The following FRMD6 variants were observed in gnomAD, a reference collection of about 807,000 sequenced individuals.
FRMD6 encodes FERM domain containing 6, also known as FERM domain-containing protein 6.
A neutral mutation model predicts 73.2 loss-of-function variants in FRMD6; 37 were observed. The ratio of observed to expected loss-of-function variants is 0.51; its 90% CI spans 0.39 to 0.66. FRMD6 has a LOEUF of 0.66. FRMD6 is among the 30% of genes least tolerant of loss of function. The pLI, the probability that FRMD6 is intolerant of heterozygous loss-of-function variation, is 0.00. For synonymous variants in FRMD6, 273 were observed against 282.2 expected (o/e 0.97, Z 0.33); for missense variants, 714 against 780.5 (o/e 0.91, Z 1.02).
intron 1 of FRMD6, among the ~76,000 whole-genome samples, chr14:51,567,509 G>T (rs1284491489): frequency 6.6e-6 from 1 of 152,144 alleles, no homozygotes; most frequent in Non-Finnish European, 1.5e-5. Context: ...AACATGCCTG[G>T]CTAATCGTTT....
At chr14:51,427,855 C>T in the FRMD6 span, among the ~76,000 whole-genome samples, 1 of 152,220 alleles carries the variant, frequency 6.6e-6, no homozygotes, top group Non-Finnish European at 1.5e-5. Context: ...ACCCACTATA[C>T]ATCAAAGATT....
chr14:51,543,102 TTTA>T (rs1886287614), intron 1 of FRMD6, among the ~76,000 whole-genome samples: 1 of 152,046 alleles, frequency 6.6e-6, no homozygotes, highest in Admixed American at 6.6e-5. Context: ...CAAAGTCTAA[TTTA>T]TCTGTTTTTT....
chr14:51,516,834 G>A (rs566123173), intron 1 of FRMD6, among the ~76,000 whole-genome samples: 2 of 152,302 alleles, frequency 1.3e-5, no homozygotes, highest in South Asian at 2.1e-4. Flanking sequence ...GAGTCCCTGG[G>A]CAAAGGAAGA....
intron 2 of FRMD6, among the ~76,000 whole-genome samples, chr14:51,645,289 C>T (rs559464472): frequency 5.3e-5 from 8 of 152,284 alleles, no homozygotes; most frequent in African/African-American, 1.7e-4. Context: ...TTCATCCAAC[C>T]AGTTAGTATA....
intron 13 of FRMD6, among the ~76,000 whole-genome samples, chr14:51,726,803 A>T (rs1358645761): frequency 6.6e-6 from 1 of 152,170 alleles, no homozygotes; most frequent in Non-Finnish European, 1.5e-5. Flanking sequence ...GCATCAGCAC[A>T]AGGGATCACT....
intron 2 of FRMD6, among the ~76,000 whole-genome samples, chr14:51,614,630 T>C (rs1890639915): frequency 2.0e-5 from 3 of 152,228 alleles, no homozygotes; most frequent in Admixed American, 1.3e-4. Context: ...CCTGAGGCAC[T>C]ACCATCTTCA....
intron 2 of FRMD6, among the ~76,000 whole-genome samples, chr14:51,638,476 C>T (rs1891670741): frequency 6.6e-6 from 1 of 152,116 alleles, no homozygotes; most frequent in Admixed American, 6.5e-5. Context: ...GGCTACTGCT[C>T]CGGGAGCCAC....
At position 51,533,958 on chromosome 14, in the gene FRMD6, G is replaced by A. The variant is rs1885741886; in HGVS notation, c.-209-36390G>A. 2.6e-5 allele frequency among the ~76,000 whole-genome samples: 4 copies of A among 152,362 alleles called. No homozygotes were observed. In the South Asian group the frequency reaches 6.2e-4, roughly 24 times the overall value. ...TCAATTATAGTAAGACCAATAGGAA[G>A]AAAGTCTTTTGGGGAACAGCAGAAT... is the stretch of plus-strand genomic sequence containing the variant. On this transcript the variant is annotated intron_variant, in intron 1 of 14. Coordinates refer to the FRMD6 transcript ENST00000356218.
intron 1 of FRMD6, among the ~76,000 whole-genome samples, chr14:51,652,566 A>T (rs1892499914): frequency 6.6e-6 from 1 of 152,198 alleles, no homozygotes; most frequent in African/African-American, 2.4e-5. Context: ...CGGCTGCGGG[A>T]AGGGACCCGA....
intron 2 of FRMD6, among the ~76,000 whole-genome samples, chr14:51,600,951 C>T (rs1029701764): frequency 2.6e-5 from 4 of 152,170 alleles, no homozygotes; most frequent in Non-Finnish European, 4.4e-5. Context: ...ATCCTATTAG[C>T]ACTTGGCTTT....
At chr14:51,558,517 G>A (rs933423431) in intron 1 of FRMD6, among the ~76,000 whole-genome samples, 1 of 151,238 alleles carries the variant, frequency 6.6e-6, no homozygotes, top group African/African-American at 2.4e-5. Flanking sequence ...ATGAATAACT[G>A]AGTATATAAT....
rs112643826 is a variant in FRMD6 at position 51,512,532 on chromosome 14, A to G, written c.-210+23112A>G. Among the ~76,000 whole-genome samples, 680 of 152,210 alleles carry G rather than the reference A, an allele frequency of 4.5e-3. 3 individuals are homozygous for G. The highest frequency in any genetic ancestry group is 0.016 in the African/African-American group (657 of 41,524). ...CAAGGCTGCCACTGGAGAATTTTCT[A>G]CCTCAGCAACTCCTTGCCCTTAAAG... is the stretch of plus-strand genomic sequence containing the variant. On this transcript the variant is annotated intron_variant, in intron 1 of 14. Coordinates refer to the FRMD6 transcript ENST00000356218.
intron 2 of FRMD6, among the ~76,000 whole-genome samples, chr14:51,626,287 T>A (rs1891113418): frequency 6.6e-6 from 1 of 152,170 alleles, no homozygotes; most frequent in East Asian, 1.9e-4. Flanking sequence ...TTTGGAGGGG[T>A]TGTCATTTCC....
intron 2 of FRMD6, among the ~76,000 whole-genome samples, chr14:51,582,611 C>T (rs971240516): frequency 6.6e-6 from 1 of 152,194 alleles, no homozygotes; most frequent in African/African-American, 2.4e-5. Flanking sequence ...CAGGAACTGG[C>T]TTATGAAGCC....
chr14:51,635,329 A>AACTCCT (rs1891511515), intron 2 of FRMD6, among the ~76,000 whole-genome samples: 2 of 152,198 alleles, frequency 1.3e-5, no homozygotes, highest in South Asian at 4.1e-4. Context: ...TAGGAGTTTA[A>AACTCCT]GTCTGCAGTA....
In FRMD6 at chr14:51,540,055, T is replaced by A. The variant is rs189832149; in HGVS notation, c.-209-30293T>A. 5.9e-3 allele frequency among the ~76,000 whole-genome samples: 905 copies of A among 152,292 alleles called. 8 individuals are homozygous for A. The highest frequency in any genetic ancestry group is 0.017 in the Middle Eastern group (5 of 294). On this transcript the variant is annotated intron_variant, in intron 1 of 14. Transcript: ENST00000356218. ...CCTTCCAACTATTGCCCACCCTGAA[T>A]GCTTTATAAATATCAGTGGCAATAG...
At chr14:51,436,005 C>G in the FRMD6 span, 1 of 162,622 alleles carries the variant, frequency 6.1e-6, no homozygotes, top group African/African-American at 2.4e-5. Flanking sequence ...AGCGAGGAGA[C>G]CTGTGGTCTG....
chr14:51,719,001 T>C (rs1897389544), intron 10 of FRMD6, among the ~76,000 whole-genome samples: 1 of 152,196 alleles, frequency 6.6e-6, no homozygotes, highest in South Asian at 2.1e-4. Context: ...ACCCAATTAG[T>C]CTACTAGTTT....
At chr14:51,711,236 G>A (rs1896928795) in intron 7 of FRMD6, among the ~76,000 whole-genome samples, 2 of 152,134 alleles carry the variant, frequency 1.3e-5, no homozygotes, top group South Asian at 2.1e-4. Flanking sequence ...TCAATAACAA[G>A]TATTTAGAAT....
Sources: gnomAD v4.1 joint callset for allele counts (sites outside exome capture counted in the v4.1 genomes callset) on GRCh38, gnomAD v4.1.1 for gene constraint, MANE v1.5 for transcripts, NCBI Gene and HGNC (gene_info 2026-07-23, HGNC 2026-07-21) for gene names.